Variants in PLPP4 observed in about 807,000 individuals in gnomAD.
The protein encoded by PLPP4 is phospholipid phosphatase 4.
Under a neutral mutation model 32.2 loss-of-function variants are expected in PLPP4, and 20 were observed. That is an observed-to-expected ratio of 0.62 (90% confidence interval 0.44 to 0.90). PLPP4 has a LOEUF of 0.90. PLPP4 is among the 40% of genes least tolerant of loss of function. The pLI, the probability that PLPP4 is intolerant of heterozygous loss-of-function variation, is 0.00. For synonymous variants in PLPP4, 127 were observed against 133.0 expected (o/e 0.95, Z 0.31); for missense variants, 257 against 353.1 (o/e 0.73, Z 2.18).
chr10:120,463,096 C>T (rs1450180552), intron 1 of PLPP4, among the ~76,000 whole-genome samples: 3 of 144,654 alleles, frequency 2.1e-5, no homozygotes, highest in Non-Finnish European at 4.5e-5. Context: ...GGTGCGATCT[C>T]GGCTCACTGC....
chr10:120,556,699 T>C (rs1848178955), intron 5 of PLPP4, among the ~76,000 whole-genome samples: 1 of 152,206 alleles, frequency 6.6e-6, no homozygotes, highest in Non-Finnish European at 1.5e-5. Flanking sequence ...AGGAAAACCC[T>C]ATAAGATGGA....
chr10:120,480,437 C>T (rs566823545), intron 1 of PLPP4, among the ~76,000 whole-genome samples: 1 of 152,120 alleles, frequency 6.6e-6, no homozygotes, highest in Non-Finnish European at 1.5e-5. Context: ...TAGAAGCCAG[C>T]CTTATCAAAT....
intron 1 of PLPP4, among the ~76,000 whole-genome samples, chr10:120,475,968 C>T (rs901786933): frequency 6.6e-6 from 1 of 152,258 alleles, no homozygotes; most frequent in Non-Finnish European, 1.5e-5. Flanking sequence ...TTCCTCCACT[C>T]CTGCAGGCTC....
chr10:120,537,729 T>C (rs1847095529), intron 5 of PLPP4, among the ~76,000 whole-genome samples: 1 of 152,180 alleles, frequency 6.6e-6, no homozygotes, highest in Non-Finnish European at 1.5e-5. Flanking sequence ...GATGGATATG[T>C]ACATCAGCTT....
chr10:120,551,667 A>G (rs1475234479), intron 5 of PLPP4, among the ~76,000 whole-genome samples: 1 of 152,182 alleles, frequency 6.6e-6, no homozygotes, highest in East Asian at 1.9e-4. Flanking sequence ...AAATTAGAGT[A>G]GTTGTCCTAA....
At chr10:120,566,677 C>A (rs1045048863) in intron 5 of PLPP4, among the ~76,000 whole-genome samples, 9 of 151,510 alleles carry the variant, frequency 5.9e-5, no homozygotes, top group African/African-American at 1.2e-4. Context: ...ACCTCAGCCT[C>A]CTGAGTAGCT....
At chr10:120,566,229 G>T (rs1479172952) in intron 5 of PLPP4, among the ~76,000 whole-genome samples, 1 of 152,002 alleles carries the variant, frequency 6.6e-6, no homozygotes, top group East Asian at 1.9e-4. Context: ...TTGTGTTTCA[G>T]TTTTCTTACT....
intron 5 of PLPP4, among the ~76,000 whole-genome samples, chr10:120,566,411 C>A (rs1197381048): frequency 6.6e-6 from 1 of 152,120 alleles, no homozygotes; most frequent in Non-Finnish European, 1.5e-5. Flanking sequence ...ATATGAGAAG[C>A]ATGAATTGGA....
intron 3 of PLPP4, among the ~76,000 whole-genome samples, chr10:120,514,208 G>A (rs2133892531): frequency 6.6e-6 from 1 of 152,344 alleles, no homozygotes; most frequent in South Asian, 2.1e-4. Context: ...ACCGCCCACT[G>A]TCGCTGTCCG....
intron 5 of PLPP4, among the ~76,000 whole-genome samples, chr10:120,553,486 T>C (rs1848002627): frequency 6.6e-6 from 1 of 152,216 alleles, no homozygotes; most frequent in Admixed American, 6.5e-5. Flanking sequence ...ATCATGGACT[T>C]CCAAGCCTCC....
At chr10:120,521,144 C>T (rs1042178169) in intron 5 of PLPP4, 49 bp downstream of exon 5, 22 of 1,602,730 alleles carry the variant, frequency 1.4e-5, no homozygotes, top group Non-Finnish European at 1.7e-5. Flanking sequence ...ATGTTTCCTG[C>T]TCACTGTCTT....
At chr10:120,574,196 T>C (rs1053261064) in intron 5 of PLPP4, among the ~76,000 whole-genome samples, 1 of 146,850 alleles carries the variant, frequency 6.8e-6, no homozygotes, top group African/African-American at 2.5e-5. Flanking sequence ...TCTCTCTCTC[T>C]CTCTCTCTCT....
intron 3 of PLPP4, among the ~76,000 whole-genome samples, chr10:120,516,898 C>A (rs142210010): frequency 6.6e-6 from 1 of 152,284 alleles, no homozygotes; most frequent in African/African-American, 2.4e-5. Flanking sequence ...AGTTTGGTTT[C>A]CTTCTAGAAT....
chr10:120,482,317 A>G (rs1844243493), intron 1 of PLPP4, among the ~76,000 whole-genome samples: 1 of 152,178 alleles, frequency 6.6e-6, no homozygotes, highest in Non-Finnish European at 1.5e-5. Context: ...TGATATTGAC[A>G]ATAAAATTCA....
intron 2 of PLPP4, 44 bp downstream of exon 2, chr10:120,503,970 G>T: frequency 7.5e-7 from 1 of 1,335,756 alleles, no homozygotes; most frequent in Non-Finnish European, 1.1e-6. Context: ...CTCTCTCAAA[G>T]ATGAACCAAA....
intron 5 of PLPP4, among the ~76,000 whole-genome samples, chr10:120,523,251 A>G (rs1318957228): frequency 6.6e-6 from 1 of 152,074 alleles, no homozygotes; most frequent in Non-Finnish European, 1.5e-5. Flanking sequence ...ACAGTGACCT[A>G]AGATTGTGCC....
chr10:120,590,342 G>A lies in PLPP4; in HGVS notation c.*840G>A, dbSNP rs568033885. On this transcript the variant is annotated 3_prime_UTR_variant, in exon 7 of 7. Transcript: ENST00000398250. ...CTCACAGATCAGAAACCGCATGCCTGGGGCTCATCTCAAGGGAGTGGCTGA... is the reference window on the plus strand; with the variant it reads ...CTCACAGATCAGAAACCGCATGCCTAGGGCTCATCTCAAGGGAGTGGCTGA... 2.0e-5 allele frequency among the ~76,000 whole-genome samples: 3 copies of A among 152,192 alleles called. No individual in the cohort carries two copies. The highest frequency in any genetic ancestry group is 4.4e-5 in the Non-Finnish European group (3 of 68,040).
rs1022941360 is a variant in PLPP4, at chr10:120,591,149, A to G, written c.*1647A>G. 6.6e-6 allele frequency among the ~76,000 whole-genome samples: 1 copy of G among 152,206 alleles called. No individual in the cohort carries two copies. The highest frequency in any genetic ancestry group is 2.4e-5 in the African/African-American group (1 of 41,466). On this transcript the variant is annotated 3_prime_UTR_variant, in exon 7 of 7. Coordinates refer to ENST00000398250, the MANE Select transcript of PLPP4 (RefSeq NM_001030059.3). ...TGGCTGCCTAAATGGTCAGCTTATC[A>G]GCCCTGGGCTGCGTGTGCAAGTTAG...
rs919134761 is a variant in PLPP4 at position 120,580,763 on chromosome 10, G to A, written c.616+5462G>A. The A allele has an allele frequency of 3.3e-5, 22 of 667,936 alleles. No individual in the cohort carries two copies. The Admixed American group carries it at 4.8e-4, about 14-fold the overall frequency. 41.4% of individuals were successfully genotyped at this position (667,936 alleles called of 1,614,324 possible). On this transcript the variant is annotated intron_variant, in intron 6 of 6. Coordinates refer to ENST00000398250, the MANE Select transcript of PLPP4 (RefSeq NM_001030059.3). Reference sequence around the variant, plus strand: ...GTAGATTTTCTAAATGAAGTGACTTGAAAAAGATCCCTTGGAACAATATGA... The same window carrying A: ...GTAGATTTTCTAAATGAAGTGACTTAAAAAAGATCCCTTGGAACAATATGA...
Sources: gnomAD v4.1 joint callset for allele counts (sites outside exome capture counted in the v4.1 genomes callset) on GRCh38, gnomAD v4.1.1 for gene constraint, MANE v1.5 for transcripts, NCBI Gene and HGNC (gene_info 2026-07-23, HGNC 2026-07-21) for gene names.